STK24: variants seen among roughly 807,000 people sequenced by gnomAD.
STK24 encodes serine/threonine kinase 24, also known as serine/threonine-protein kinase 24.
A neutral mutation model predicts 55.6 loss-of-function variants in STK24; 21 were observed. That is an observed-to-expected ratio of 0.38 (90% CI 0.27 to 0.54). The LOEUF is 0.54. Among genes scored for constraint, STK24 ranks in the 20% least tolerant of loss-of-function variants. The pLI is 0.79. For synonymous variants in STK24, 200 were observed against 215.2 expected (o/e 0.93, Z 0.62); for missense variants, 383 against 538.4 (o/e 0.71, Z 2.86).
chr13:98,516,245 C>T (rs1388531230), intron 2 of STK24, among the ~76,000 whole-genome samples: 2 of 152,226 alleles, frequency 1.3e-5, no homozygotes, highest in Non-Finnish European at 2.9e-5. Flanking sequence ...TTGTCCTTCA[C>T]ATGGCTTTAA....
At chr13:98,517,708 G>A (rs1187097950) in intron 2 of STK24, among the ~76,000 whole-genome samples, 1 of 152,112 alleles carries the variant, frequency 6.6e-6, no homozygotes, top group Non-Finnish European at 1.5e-5. Flanking sequence ...CGTTTTTGCT[G>A]TGTCAAGACC....
At chr13:98,464,609 C>T (rs758785568) in intron 6 of STK24, among the ~76,000 whole-genome samples, 4 of 150,754 alleles carry the variant, frequency 2.7e-5, no homozygotes, top group Non-Finnish European at 4.4e-5. Context: ...GATTCTCCTG[C>T]CTCAGCCTCC....
intron 1 of STK24, among the ~76,000 whole-genome samples, chr13:98,565,863 C>CTAAAT (rs1897554210): frequency 6.6e-6 from 1 of 152,196 alleles, no homozygotes; most frequent in South Asian, 2.1e-4. Flanking sequence ...ACCCACAATC[C>CTAAAT]TAAATTCCAG....
At chr13:98,503,043 A>G (rs1237543981) in intron 2 of STK24, among the ~76,000 whole-genome samples, 2 of 27,024 alleles carry the variant, frequency 7.4e-5, no homozygotes, top group East Asian at 4.9e-4. Context: ...TTTTTTTTTC[A>G]GTATGGTACA....
chr13:98,527,500 T>C (rs75062242), intron 1 of STK24, among the ~76,000 whole-genome samples: 2 of 152,236 alleles, frequency 1.3e-5, no homozygotes, highest in East Asian at 3.9e-4. Context: ...AAAGGCCAGA[T>C]CAGAGTCAAG....
rs1380116652 is a variant in STK24, at chr13:98,474,942, T to G, written c.476A>C (p.Lys159Thr). The G allele has an allele frequency of 1.1e-5, 18 of 1,613,854 alleles. No individual in the cohort carries two copies. The highest frequency in any genetic ancestry group is 1.5e-5 in the Non-Finnish European group (18 of 1,179,960). The part of the protein sequence containing the change: ...NVLLSEHGEV[K>T]LADFGVAGQL... The stretch of plus-strand genomic sequence containing the variant: ...GCCAGCCACGCCAAAGTCCGCCAGC[T>G]TCACCTCGCCATGCTCAGACAGCAG... The change falls in exon 5 of 11, where the codon AAG (lysine) becomes ACG (threonine). Residue 159 changes from lysine (K) to threonine (T), a missense_variant. Lys to Thr is a moderately conservative substitution (Grantham distance 78). Transcript: ENST00000539966.
At chr13:98,501,787 C>G (rs1299390224) in intron 2 of STK24, among the ~76,000 whole-genome samples, 1 of 152,214 alleles carries the variant, frequency 6.6e-6, no homozygotes, top group Non-Finnish European at 1.5e-5. Flanking sequence ...CGATAAGCTG[C>G]TCCCCTAGCC....
intron 1 of STK24, among the ~76,000 whole-genome samples, chr13:98,556,104 A>C (rs1005589028): frequency 6.6e-6 from 1 of 152,088 alleles, no homozygotes; most frequent in African/African-American, 2.4e-5. Flanking sequence ...TTCAGGAAGA[A>C]CTCTATCTTT....
rs200400753 is a variant in STK24 at position 98,493,829 on chromosome 13, C to CA, written c.274-11509dup. On this transcript the variant is annotated intron_variant, in intron 2 of 10. Transcript: ENST00000539966. ...AGAATAAAGACTTAACGGTATTCTG[C>CA]AAAAAAAAAATTTTTTTTTTTTTTT... Among the ~76,000 whole-genome samples, 1,338 of 145,574 alleles carry CA rather than the reference C, an allele frequency of 9.2e-3. 18 individuals carry two copies. Among genetic ancestry groups the CA allele is most frequent in the African/African-American group, 0.03 (1,188 of 39,198 alleles).
rs1892849316 is a variant in STK24 at position 98,446,585 on chromosome 13, C to T, written c.*6588G>A. 2 of 1,474,594 alleles carry T rather than the reference C, an allele frequency of 1.4e-6. No homozygotes were observed. The highest frequency in any genetic ancestry group is 1.9e-6 in the Non-Finnish European group (2 of 1,066,330). 91.3% of individuals were successfully genotyped at this position (1,474,594 alleles called of 1,614,324 possible). On this transcript the variant is annotated 3_prime_UTR_variant, in exon 11 of 11. Coordinates refer to ENST00000539966, the MANE Select transcript of STK24 (RefSeq NM_001032296.4). ...GGGAGCTGCCTGGGCTCCCAAGTCC[C>T]TGTCTGATGCGGGGCAGCAGCCAGG...
At chr13:98,525,741 C>A (rs1896408807) in intron 1 of STK24, among the ~76,000 whole-genome samples, 1 of 152,220 alleles carries the variant, frequency 6.6e-6, no homozygotes. Context: ...GGGCTTGCTC[C>A]TCTGAGGAAA....
chr13:98,514,321 T>A (rs1232417585), intron 2 of STK24, among the ~76,000 whole-genome samples: 1 of 152,212 alleles, frequency 6.6e-6, no homozygotes, highest in Non-Finnish European at 1.5e-5. Context: ...AATGACTGGT[T>A]TTTCTGTTTC....
In STK24 at chr13:98,447,869, G is replaced by A. The variant is rs372956793; in HGVS notation, c.*5304C>T. 12 of 228,546 alleles carry A rather than the reference G, an allele frequency of 5.3e-5. No homozygotes were observed. The highest frequency in any genetic ancestry group is 2.8e-4 in the African/African-American group (12 of 42,702). The allele number at this position is 228,546 out of a possible 1,614,324, so 14.2% of individuals were successfully genotyped here. A position where few individuals can be genotyped will look rare whatever the true frequency, so the allele number is the denominator to read the frequency against. On this transcript the variant is annotated 3_prime_UTR_variant, in exon 11 of 11. Transcript: ENST00000539966. ...CAAAAAAAAAAGAAAAAGAAAAAAG[G>A]AAGGGAGAGCTTCCACTAAGCAGGA...
chr13:98,469,725 G>C (rs927664737), intron 5 of STK24, among the ~76,000 whole-genome samples: 3 of 152,036 alleles, frequency 2.0e-5, no homozygotes, highest in Admixed American at 6.6e-5. Context: ...CTTTGGATTA[G>C]TCTAAAGGGA....
chr13:98,575,402 T>TACAC (rs769540722), intron 1 of STK24, among the ~76,000 whole-genome samples: 1,430 of 98,608 alleles, frequency 0.015, 37 homozygotes, highest in Admixed American at 0.064. Context: ...ATACTGCTTA[T>TACAC]ATATACACAC....
rs1491386012 is a variant in STK24, at chr13:98,449,058, CTG to C, written c.*4113_*4114del. ...GTGCAATACCTGGACTGTCACCGTC[CTG>C]TGAGTGGTGTACACAATGGGAAGAT... On this transcript the variant is annotated 3_prime_UTR_variant, in exon 11 of 11. Transcript: ENST00000539966. The C allele has an allele frequency of 2.0e-5, 3 of 152,226 alleles. No homozygotes were observed. Among genetic ancestry groups the C allele is most frequent in the East Asian group, 1.9e-4 (1 of 5,198 alleles). 9.4% of individuals were successfully genotyped at this position (152,226 alleles called of 1,614,324 possible).
chr13:98,475,329 C>G lies in STK24; in HGVS notation c.360G>C (p.Gln120His). 6.2e-7 allele frequency: 1 copy of G among 1,612,758 alleles called. No individual in the cohort carries two copies. Among genetic ancestry groups the G allele is most frequent in the African/African-American group, 1.3e-5 (1 of 74,958 alleles). ...LLEPGPLDET[Q>H]IATILREILK... ...GTATTTCTCTTAATATAGTAGCGAT[C>G]TGGGTTTCATCTAATGGGCCAGGTT... Residue 120 changes from glutamine to histidine, a missense_variant, in exon 4 of 11, where the codon CAG becomes CAC. Physicochemically the swap from Gln to His is conservative, Grantham distance 24 (BLOSUM62 0). Transcript: ENST00000539966.
chr13:98,519,816 C>G (rs533976150), intron 1 of STK24, among the ~76,000 whole-genome samples: 185 of 152,238 alleles, frequency 1.2e-3, no homozygotes, highest in African/African-American at 4.4e-3. Context: ...ACAGACTTAT[C>G]GAAAAATCAC....
At chr13:98,524,197 AT>A (rs896912928) in intron 1 of STK24, among the ~76,000 whole-genome samples, 23 of 151,940 alleles carry the variant, frequency 1.5e-4, no homozygotes, top group African/African-American at 5.6e-4. Flanking sequence ...GATTGTTACA[AT>A]AATGGCACTA....
Sources: gnomAD v4.1 joint callset for allele counts (sites outside exome capture counted in the v4.1 genomes callset) on GRCh38, gnomAD v4.1.1 for gene constraint, MANE v1.5 for transcripts, NCBI Gene and HGNC (gene_info 2026-07-23, HGNC 2026-07-21) for gene names.